Variants in TTLL11 observed in about 807,000 individuals in gnomAD.
TTLL11 encodes the protein tubulin polyglutamylase TTLL11.
A neutral mutation model predicts 51.7 loss-of-function variants in TTLL11; 42 were observed. The observed-to-expected ratio is 0.81, with a 90% CI of 0.64 to 1.05. TTLL11 has a LOEUF of 1.05. Among genes scored for constraint, TTLL11 ranks in the 50% least tolerant of loss-of-function variants. TTLL11 has a pLI of 0.00. For missense variants in TTLL11, 799 were observed against 940.4 expected (o/e 0.85, Z 1.97); for synonymous variants, 381 against 383.5 (o/e 0.99, Z 0.08).
chr9:121,882,437 T>G (rs1838834141), intron 6 of TTLL11, among the ~76,000 whole-genome samples: 1 of 152,182 alleles, frequency 6.6e-6, no homozygotes, highest in Admixed American at 6.5e-5. Flanking sequence ...GTCACTGATC[T>G]TCTTAATCTT....
Position 121,989,519 on chromosome 9 carries a change from G to A in TTLL11, c.945C>T (p.Ala315=). ...TACAAAACCTAGAGAGTCCGTCTTTGGCTATATAAATCTCTAAGGGGTCTA... is the reference window on the plus strand; with the variant it reads ...TACAAAACCTAGAGAGTCCGTCTTTAGCTATATAAATCTCTAAGGGGTCTA... ...KSLDPLEIYI[A]KDGLSRFCTE... is the part of the protein sequence containing the mutation. The change falls in exon 4 of 9, where the codon GCC becomes GCT. Residue 315 remains alanine, a synonymous_variant. Transcript: ENST00000321582. This position sits in a 1 kb window ranked among gnomAD's most constrained non-coding sequence, Gnocchi z 4.2. The A allele has an allele frequency of 1.2e-6, 2 of 1,614,102 alleles. No homozygotes were observed. Among genetic ancestry groups the A allele is most frequent in the Non-Finnish European group, 1.7e-6 (2 of 1,180,030 alleles).
At chr9:122,019,170 T>C (rs1844091890) in intron 3 of TTLL11, among the ~76,000 whole-genome samples, 1 of 152,206 alleles carries the variant, frequency 6.6e-6, no homozygotes, top group African/African-American at 2.4e-5. Flanking sequence ...CTGCCTAAGA[T>C]TCCTGCCTGA....
At chr9:121,887,098 C>T (rs1008581541) in intron 6 of TTLL11, among the ~76,000 whole-genome samples, 4 of 152,318 alleles carry the variant, frequency 2.6e-5, no homozygotes, top group Admixed American at 1.3e-4. Flanking sequence ...AGGAACAAGC[C>T]TATTGTTTCA....
chr9:122,076,559 A>G (rs1845865376), intron 1 of TTLL11, among the ~76,000 whole-genome samples: 1 of 152,184 alleles, frequency 6.6e-6, no homozygotes, highest in Non-Finnish European at 1.5e-5. Flanking sequence ...TCCTACACCT[A>G]TAACCAAAAG....
intron 2 of TTLL11, among the ~76,000 whole-genome samples, chr9:122,033,147 T>C (rs1318566882): frequency 1.3e-5 from 2 of 152,196 alleles, no homozygotes; most frequent in Admixed American, 1.3e-4. Context: ...AGTTTCGCTC[T>C]TGTTGCCTAG....
chr9:121,843,220 T>TA (rs963869075), intron 8 of TTLL11, among the ~76,000 whole-genome samples: 30 of 150,700 alleles, frequency 2.0e-4, no homozygotes, highest in Admixed American at 4.0e-4. Flanking sequence ...TTTACAACAA[T>TA]AAAAAAAAGC....
Position 121,848,877 on chromosome 9 carries a change from T to C in TTLL11, c.1840+11460A>G, listed in dbSNP as rs146730362. ...AAATGAAAATCCCAGCAAGTTATTT[T>C]GTGGATATTGACACACTAATTCAAA... On this transcript the variant is annotated intron_variant, in intron 8 of 8. Coordinates refer to ENST00000321582, the MANE Select transcript of TTLL11 (RefSeq NM_001139442.2). Among the ~76,000 whole-genome samples the C allele has an allele frequency of 1.8e-3, 274 of 152,344 alleles. 1 individual carries two copies. The highest frequency in any genetic ancestry group is 6.2e-3 in the African/African-American group (259 of 41,590).
intron 6 of TTLL11, among the ~76,000 whole-genome samples, chr9:121,958,073 G>A (rs1345277141): frequency 6.6e-6 from 1 of 152,188 alleles, no homozygotes; most frequent in African/African-American, 2.4e-5. Flanking sequence ...CTGCTTCAGT[G>A]CCTTATTTGG....
intron 6 of TTLL11, among the ~76,000 whole-genome samples, chr9:121,971,902 C>T (rs1439293605): frequency 1.3e-5 from 2 of 151,934 alleles, no homozygotes; most frequent in Non-Finnish European, 2.9e-5. Context: ...AAACACTGCA[C>T]GTTCCTACTC....
rs1473460234 is a variant in TTLL11, at chr9:121,890,002, T to C, written c.1482-19254A>G. ...TCACTTAGCATAATGTCCTAAGGGT[T>C]CATCTATGCTGTAGCATGTTTCAGA... On this transcript the variant is annotated intron_variant, in intron 6 of 8. Transcript: ENST00000321582. This position sits in a 1 kb window ranked among gnomAD's most constrained non-coding sequence, Gnocchi z 4.3. 2.0e-5 allele frequency among the ~76,000 whole-genome samples: 3 copies of C among 152,240 alleles called. No homozygotes were observed. Among genetic ancestry groups the C allele is most frequent in the African/African-American group, 7.2e-5 (3 of 41,476 alleles).
chr9:121,844,560 T>A (rs1306943911), intron 8 of TTLL11, among the ~76,000 whole-genome samples: 1 of 152,112 alleles, frequency 6.6e-6, no homozygotes, highest in Non-Finnish European at 1.5e-5. Context: ...GACACAGATG[T>A]TGGAATTATC....
chr9:122,022,279 T>A (rs375966073), intron 3 of TTLL11, among the ~76,000 whole-genome samples: 1 of 151,732 alleles, frequency 6.6e-6, no homozygotes, highest in Non-Finnish European at 1.5e-5. Context: ...AAAAGCTCAA[T>A]GAGAAACATG....
At chr9:122,057,378 A>G (rs1358655301) in intron 1 of TTLL11, among the ~76,000 whole-genome samples, 2 of 139,358 alleles carry the variant, frequency 1.4e-5, no homozygotes, top group African/African-American at 5.5e-5. Flanking sequence ...GCTGGAGTGC[A>G]CTGGAACAAT....
chr9:121,992,484 C>T lies in TTLL11; in HGVS notation c.694-2714G>A, dbSNP rs114964552. 7.8e-3 allele frequency among the ~76,000 whole-genome samples: 1,194 copies of T among 152,308 alleles called. 15 individuals carry two copies. The highest frequency in any genetic ancestry group is 0.028 in the African/African-American group (1,162 of 41,564). On this transcript the variant is annotated intron_variant, in intron 3 of 8. Coordinates refer to ENST00000321582, the MANE Select transcript of TTLL11 (RefSeq NM_001139442.2). Reference sequence around the variant, plus strand: ...GAGATGAGACCTGGGCATGTGTATTCTGGAAAAATCACCGCAGGTGATTCT... The same window carrying T: ...GAGATGAGACCTGGGCATGTGTATTTTGGAAAAATCACCGCAGGTGATTCT...
chr9:121,982,321 T>C (rs1842844560), intron 4 of TTLL11, among the ~76,000 whole-genome samples: 1 of 152,148 alleles, frequency 6.6e-6, no homozygotes, highest in Non-Finnish European at 1.5e-5. Flanking sequence ...TTTCTGGTAG[T>C]CTAGTTGTTT....
intron 6 of TTLL11, among the ~76,000 whole-genome samples, chr9:121,876,234 TTTC>T (rs1485157094): frequency 6.6e-6 from 1 of 152,220 alleles, no homozygotes; most frequent in Non-Finnish European, 1.5e-5. Context: ...ATCAGAGACT[TTTC>T]TTCTTATGTA....
chr9:121,970,055 C>T (rs988944704), intron 6 of TTLL11, among the ~76,000 whole-genome samples: 3 of 152,204 alleles, frequency 2.0e-5, no homozygotes, highest in Middle Eastern at 3.4e-3. Flanking sequence ...CAGTAAATGG[C>T]GTTAGCTATT....
At position 121,870,717 on chromosome 9, in the gene TTLL11, T is replaced by C. The variant is rs1003681905; in HGVS notation, c.1513A>G (p.Lys505Glu). The change falls in exon 7 of 9, where the codon AAG becomes GAG. Residue 505 changes from lysine (K) to glutamate (E), a missense_variant. Coordinates refer to ENST00000321582, the MANE Select transcript of TTLL11 (RefSeq NM_001139442.2). ...SQQLEKPFAGKEDALDGELTS... is the reference protein window; with the variant it reads ...SQQLEKPFAGEEDALDGELTS... ...AGCTCGCCGTCCAAAGCATCTTCCT[T>C]TCCAGCGAATGGTTTTTCAAGCTGC... 1 of 1,549,422 alleles carries C rather than the reference T, an allele frequency of 6.5e-7. No individual in the cohort carries two copies. The highest frequency in any genetic ancestry group is 1.4e-5 in the African/African-American group (1 of 73,102).
intron 6 of TTLL11, among the ~76,000 whole-genome samples, chr9:121,940,774 C>T (rs890526710): frequency 1.3e-5 from 2 of 152,356 alleles, no homozygotes; most frequent in Non-Finnish European, 2.9e-5. Context: ...GAGCAGGCTC[C>T]ATAGGACATT....
Sources: allele counts gnomAD v4.1 joint callset (sites outside exome capture counted in the v4.1 genomes callset), GRCh38; gene constraint gnomAD v4.1.1; non-coding constraint Gnocchi (gnomAD v3.1); transcripts MANE v1.5; gene names NCBI Gene and HGNC (gene_info 2026-07-23, HGNC 2026-07-21).